PCDH15: variants seen among roughly 807,000 people sequenced by gnomAD.
The protein encoded by PCDH15 is protocadherin related 15.
Under a neutral mutation model 178.5 loss-of-function variants are expected in PCDH15, and 129 were observed. That is an observed-to-expected ratio of 0.72 (90% CI 0.63 to 0.84). The LOEUF (loss-of-function observed/expected upper bound fraction) is 0.84, where lower values mean the gene tolerates loss of function less well. PCDH15 is among the 40% of genes least tolerant of loss of function. PCDH15 has a pLI of 0.00. For missense variants in PCDH15, 2,230 were observed against 2,099.9 expected (o/e 1.06, Z -1.21); for synonymous variants, 800 against 732.0 (o/e 1.09, Z -1.50).
intron 3 of PCDH15, among the ~76,000 whole-genome samples, chr10:54,514,405 G>T (rs2082004863): frequency 6.6e-6 from 1 of 151,702 alleles, no homozygotes; most frequent in African/African-American, 2.4e-5. Flanking sequence ...TAGCAATTTA[G>T]GATTATGTGA....
intron 2 of PCDH15, chr10:55,599,999 G>T: frequency 7.3e-7 from 1 of 1,365,866 alleles, no homozygotes; most frequent in Non-Finnish European, 9.7e-7. Flanking sequence ...ACCCTGTGGA[G>T]CTTGAATTCA....
chr10:55,016,678 C>G (rs1840189212), intron 2 of PCDH15, among the ~76,000 whole-genome samples: 1 of 152,138 alleles, frequency 6.6e-6, no homozygotes, highest in African/African-American at 2.4e-5. Context: ...GCTTCCAAAT[C>G]TGGGCTATTG....
intron 15 of PCDH15, among the ~76,000 whole-genome samples, chr10:54,117,771 T>C (rs541077700): frequency 6.6e-6 from 1 of 152,248 alleles, no homozygotes; most frequent in East Asian, 1.9e-4. Flanking sequence ...CATCTCATTG[T>C]CTGTGAAGCC....
intron 1 of PCDH15, among the ~76,000 whole-genome samples, chr10:55,223,778 G>A (rs1184078633): frequency 2.0e-5 from 3 of 152,084 alleles, no homozygotes; most frequent in Non-Finnish European, 4.4e-5. Flanking sequence ...CTAAACTCTG[G>A]TCTTTAAAAT....
chr10:54,593,191 A>G (rs899219342), intron 2 of PCDH15, among the ~76,000 whole-genome samples: 2 of 152,088 alleles, frequency 1.3e-5, no homozygotes, highest in Middle Eastern at 3.4e-3. Flanking sequence ...TTCCACTTCT[A>G]TACTTTTGTT....
upstream of PCDH15, among the ~76,000 whole-genome samples, chr10:55,320,311 C>T (rs1349917625): frequency 1.3e-5 from 2 of 152,112 alleles, no homozygotes; most frequent in African/African-American, 4.8e-5. Flanking sequence ...AGCTCTGCTG[C>T]CTCCCTCAGC....
At chr10:55,608,903 A>G (rs1843292490) in intron 2 of PCDH15, among the ~76,000 whole-genome samples, 1 of 151,866 alleles carries the variant, frequency 6.6e-6, no homozygotes, top group Non-Finnish European at 1.5e-5. Context: ...TTTCCTGAGG[A>G]AGGAACTCAG....
intron 2 of PCDH15, among the ~76,000 whole-genome samples, chr10:55,393,523 A>G (rs1837850380): frequency 6.6e-6 from 1 of 152,196 alleles, no homozygotes. Flanking sequence ...ATGCTCTTTC[A>G]TCAACTAAGA....
chr10:55,499,671 C>G (rs574399540), intron 2 of PCDH15, among the ~76,000 whole-genome samples: 218 of 151,408 alleles, frequency 1.4e-3, no homozygotes, highest in African/African-American at 4.8e-3. Context: ...GGAAAGTAGC[C>G]TAAAAAAAAT....
rs201332784 is a variant in PCDH15, at chr10:54,023,195, T to A, written c.2223A>T (p.Ala741=). ...EANAFVGQVK[A]TDPDAGINGQ... is the part of the protein sequence containing the mutation. ...CATTTATTCCAGCATCAGGGTCTGT[T>A]GCCTATTAAATAAAACAAAAAAACA... Residue 741 remains alanine (A), a splice_region_variant and synonymous_variant, in exon 19 of 38, where the codon GCA becomes GCT. Coordinates refer to ENST00000644397, the MANE Select transcript of PCDH15 (RefSeq NM_001384140.1). The A allele has an allele frequency of 6.2e-7, 1 of 1,613,112 alleles. No individual in the cohort carries two copies. Among genetic ancestry groups the A allele is most frequent in the East Asian group, 2.2e-5 (1 of 44,860 alleles).
chr10:55,102,808 A>G (rs953982097), intron 2 of PCDH15, among the ~76,000 whole-genome samples: 1 of 150,940 alleles, frequency 6.6e-6, no homozygotes, highest in Non-Finnish European at 1.5e-5. Context: ...AATAACACAT[A>G]TTTTTGTGTT....
intron 10 of PCDH15, among the ~76,000 whole-genome samples, chr10:54,198,017 G>A (rs1337357779): frequency 6.6e-6 from 1 of 152,092 alleles, no homozygotes; most frequent in African/African-American, 2.4e-5. Flanking sequence ...TCATTTGGCA[G>A]CAGAATGTCA....
chr10:54,308,283 T>C (rs2060676016), intron 8 of PCDH15, among the ~76,000 whole-genome samples: 1 of 152,008 alleles, frequency 6.6e-6, no homozygotes, highest in African/African-American at 2.4e-5. Flanking sequence ...GTGTGTTTCA[T>C]AGAAAAAAAT....
At position 53,940,857 on chromosome 10, in the gene PCDH15, T is replaced by C; in HGVS notation, c.3232+9A>G. 6.3e-7 allele frequency: 1 copy of C among 1,591,728 alleles called. No individual in the cohort carries two copies. The highest frequency in any genetic ancestry group is 1.1e-5 in the South Asian group (1 of 90,628). ...TGATGGTGAGAACACAAACTAAAAG[T>C]CTACTCACCTTCTTCATTTCCTGAA... is the stretch of plus-strand genomic sequence containing the variant. On this transcript the variant is annotated intron_variant, in intron 24 of 37. Coordinates refer to ENST00000644397, the MANE Select transcript of PCDH15 (RefSeq NM_001384140.1).
intron 1 of PCDH15, among the ~76,000 whole-genome samples, chr10:54,679,119 G>A (rs1247431474): frequency 2.0e-5 from 3 of 149,686 alleles, no homozygotes; most frequent in South Asian, 2.1e-4. Flanking sequence ...GAACCCAGGA[G>A]GCGGAGCTTG....
chr10:54,020,439 T>C (rs771760290), intron 19 of PCDH15, 23 bp from the exon 20 acceptor site: 4 of 1,605,954 alleles, frequency 2.5e-6, no homozygotes, highest in Non-Finnish European at 3.4e-6. Flanking sequence ...GAAGAATAGT[T>C]TTATTAGTGA....
At chr10:55,612,100 T>A (rs1007402497) in intron 2 of PCDH15, among the ~76,000 whole-genome samples, 1 of 152,036 alleles carries the variant, frequency 6.6e-6, no homozygotes, top group Non-Finnish European at 1.5e-5. Context: ...GTCCTAGTGA[T>A]CTATTGAGCA....
chr10:54,071,940 C>T (rs1484795684), intron 17 of PCDH15, among the ~76,000 whole-genome samples: 8 of 152,016 alleles, frequency 5.3e-5, no homozygotes, highest in Admixed American at 3.9e-4. Context: ...TAATAGAACA[C>T]ACAATGTCAG....
At chr10:54,955,473 A>G (rs1182023065) in intron 2 of PCDH15, among the ~76,000 whole-genome samples, 1 of 151,350 alleles carries the variant, frequency 6.6e-6, no homozygotes, top group Admixed American at 6.6e-5. Flanking sequence ...ACATTCTTCC[A>G]GTAAAAAATT....
Sources: allele counts gnomAD v4.1 joint callset (sites outside exome capture counted in the v4.1 genomes callset), GRCh38; gene constraint gnomAD v4.1.1; transcripts MANE v1.5; gene names NCBI Gene and HGNC (gene_info 2026-07-23, HGNC 2026-07-21).